FGF7: variants seen among roughly 807,000 people sequenced by gnomAD.
FGF7 encodes fibroblast growth factor 7.
In FGF7, 6 loss-of-function variants were observed where a neutral mutation model predicts 20.5. That is an observed-to-expected ratio of 0.29 (90% confidence interval 0.16 to 0.58). The LOEUF is 0.58. Among genes scored for constraint, FGF7 ranks in the 20% least tolerant of loss-of-function variants. The pLI is 0.90. For missense variants in FGF7, 144 were observed against 228.8 expected (o/e 0.63, Z 2.39); for synonymous variants, 64 against 74.7 (o/e 0.86, Z 0.74).
intron 2 of FGF7, among the ~76,000 whole-genome samples, chr15:49,476,125 A>C (rs1471599988): frequency 6.6e-6 from 1 of 151,898 alleles, no homozygotes; most frequent in East Asian, 1.9e-4. Context: ...TTCATCCATC[A>C]AGATCTAATT....
Position 49,485,962 on chromosome 15 carries a change from G to A in FGF7, c.*1458G>A, listed in dbSNP as rs976648498. 1 of 151,920 alleles carries A rather than the reference G, an allele frequency of 6.6e-6. No homozygotes were observed. The highest frequency in any genetic ancestry group is 2.4e-5 in the African/African-American group (1 of 41,386). The allele number at this position is 151,920 out of a possible 1,614,324, so 9.4% of individuals were successfully genotyped here. A position where few individuals can be genotyped will look rare whatever the true frequency, so the allele number is the denominator to read the frequency against. ...AATAGAAGATGCAGTTAAGAATAAG[G>A]GGCCCTGAATGTCATGAAGGCTTGA... On this transcript the variant is annotated 3_prime_UTR_variant, in exon 4 of 4. Coordinates refer to ENST00000267843, the MANE Select transcript of FGF7 (RefSeq NM_002009.4).
intron 2 of FGF7, among the ~76,000 whole-genome samples, chr15:49,445,573 G>T (rs1178710926): frequency 6.6e-6 from 1 of 151,158 alleles, no homozygotes; most frequent in Non-Finnish European, 1.5e-5. Context: ...CTAGATCACG[G>T]ACATACTAAT....
In FGF7 at chr15:49,473,654, T is replaced by C. The variant is rs566346101; in HGVS notation, c.287-9497T>C. On this transcript the variant is annotated intron_variant, in intron 2 of 3. Transcript: ENST00000267843. ...TTATTTATGGAGCACTATTTACAAA[T>C]AGAAGAATAAAACTATTTCTCTTAT... 4.6e-4 allele frequency among the ~76,000 whole-genome samples: 70 copies of C among 152,258 alleles called. 1 individual carries two copies. Among genetic ancestry groups the C allele is most frequent in the Admixed American group, 1.2e-3 (18 of 15,292 alleles).
At chr15:49,425,259 G>A (rs1382283219) in intron 2 of FGF7, 1 of 151,866 alleles carries the variant, frequency 6.6e-6, no homozygotes, top group South Asian at 2.1e-4. Flanking sequence ...AAATGTAAAG[G>A]TGAGGGGAAA....
At chr15:49,475,614 A>AT (rs113947299) in intron 2 of FGF7, among the ~76,000 whole-genome samples, 49,731 of 152,026 alleles carry the variant, frequency 0.33, 8,894 homozygotes, top group African/African-American at 0.46. Flanking sequence ...AAATTTATTA[A>AT]TTTTTTCATA....
At chr15:49,450,621 C>T (rs1597275500) in intron 2 of FGF7, among the ~76,000 whole-genome samples, 1 of 152,150 alleles carries the variant, frequency 6.6e-6, no homozygotes. Flanking sequence ...AATTCAAGGG[C>T]TGCAGCCAGC....
At position 49,488,619 on chromosome 15, in the gene FGF7, C is replaced by T. The variant is rs2056610852; in HGVS notation, c.*4115C>T. On this transcript the variant is annotated 3_prime_UTR_variant, in exon 4 of 4. Transcript: ENST00000267843. ...TTCTTATCATTGAATTTATGAGAGC[C>T]TATCAAAATTTATTTTCTTTCATTT... is the stretch of plus-strand genomic sequence containing the variant. 1 of 151,900 alleles carries T rather than the reference C, an allele frequency of 6.6e-6. No individual in the cohort carries two copies. The highest frequency in any genetic ancestry group is 2.4e-5 in the African/African-American group (1 of 41,376). The allele number at this position is 151,900 out of a possible 1,614,324, so 9.4% of individuals were successfully genotyped here.
intron 2 of FGF7, among the ~76,000 whole-genome samples, chr15:49,431,026 A>C (rs1567262407): frequency 6.6e-6 from 1 of 151,810 alleles, no homozygotes; most frequent in Non-Finnish European, 1.5e-5. Flanking sequence ...GTATCACACA[A>C]TTTTTGGTAG....
At position 49,424,507 on chromosome 15, in the gene FGF7, C is replaced by T. The variant is rs1253531296; in HGVS notation, c.210C>T (p.Phe70=). Residue 70 remains phenylalanine (F), a synonymous_variant, in exon 2 of 4, where the codon TTC becomes TTT. Transcript: ENST00000267843. The part of the protein sequence containing the change: ...EGGDIRVRRL[F]CRTQWYLRID... ...GGGATATAAGAGTGAGAAGACTCTT[C>T]TGTCGAACACAGTGGTACCTGAGGA... The T allele has an allele frequency of 3.7e-6, 6 of 1,612,824 alleles. No individual in the cohort carries two copies. The highest frequency in any genetic ancestry group is 5.1e-6 in the Non-Finnish European group (6 of 1,179,074).
At position 49,485,936 on chromosome 15, in the gene FGF7, A is replaced by T. The variant is rs183756896; in HGVS notation, c.*1432A>T. Reference sequence around the variant, plus strand: ...TTAGATGGCAAGAGCACAATGCCCAAAATAGAAGATGCAGTTAAGAATAAG... The same window carrying T: ...TTAGATGGCAAGAGCACAATGCCCATAATAGAAGATGCAGTTAAGAATAAG... On this transcript the variant is annotated 3_prime_UTR_variant, in exon 4 of 4. Coordinates refer to ENST00000267843, the MANE Select transcript of FGF7 (RefSeq NM_002009.4). 1.8e-3 allele frequency: 274 copies of T among 152,146 alleles called. 3 individuals carry two copies. The highest frequency in any genetic ancestry group is 6.5e-3 in the African/African-American group (268 of 41,542). 9.4% of individuals were successfully genotyped at this position (152,146 alleles called of 1,614,324 possible). A position where few individuals can be genotyped will look rare whatever the true frequency, so the allele number is the denominator to read the frequency against.
At chr15:49,436,109 T>C (rs2051083665) in intron 2 of FGF7, among the ~76,000 whole-genome samples, 1 of 151,600 alleles carries the variant, frequency 6.6e-6, no homozygotes, top group Non-Finnish European at 1.5e-5. Flanking sequence ...AGTTTGCTGG[T>C]ATATAAATTC....
At chr15:49,471,848 A>C (rs2054806312) in intron 2 of FGF7, among the ~76,000 whole-genome samples, 1 of 152,162 alleles carries the variant, frequency 6.6e-6, no homozygotes, top group African/African-American at 2.4e-5. Flanking sequence ...GGGCAGCCAG[A>C]AAAGACGTAT....
intron 2 of FGF7, among the ~76,000 whole-genome samples, chr15:49,445,761 G>T (rs1430596769): frequency 1.3e-5 from 2 of 151,476 alleles, no homozygotes; most frequent in Non-Finnish European, 3.0e-5. Flanking sequence ...TCTGTTTAAA[G>T]TCCTGCTCAT....
At chr15:49,431,236 C>G (rs1412548422) in intron 2 of FGF7, among the ~76,000 whole-genome samples, 1 of 151,716 alleles carries the variant, frequency 6.6e-6, no homozygotes, top group Non-Finnish European at 1.5e-5. Flanking sequence ...AAATGAAAAT[C>G]CTCTGCCTTC....
intron 2 of FGF7, among the ~76,000 whole-genome samples, chr15:49,445,542 T>G (rs1368785491): frequency 6.6e-6 from 1 of 151,590 alleles, no homozygotes; most frequent in Non-Finnish European, 1.5e-5. Context: ...AATTTTCTCC[T>G]AGTTTGGTTC....
At chr15:49,475,670 C>T (rs1597434986) in intron 2 of FGF7, among the ~76,000 whole-genome samples, 1 of 151,798 alleles carries the variant, frequency 6.6e-6, no homozygotes, top group Non-Finnish European at 1.5e-5. Context: ...TAACAATTCC[C>T]AAGAATGTAC....
Position 49,424,164 on chromosome 15 carries a change from G to C in FGF7, c.-134G>C. 1.3e-6 allele frequency: 1 copy of C among 742,516 alleles called. No homozygotes were observed. The highest frequency in any genetic ancestry group is 2.1e-5 in the South Asian group (1 of 48,198). 46.0% of individuals were successfully genotyped at this position (742,516 alleles called of 1,614,324 possible). ...ACTAAAAGGATAAGGCTAACAATTT[G>C]GAAAGAGCAACTACTCTTTCTTAAA... is the stretch of plus-strand genomic sequence containing the variant. On this transcript the variant is annotated 5_prime_UTR_variant, in exon 2 of 4. Transcript: ENST00000267843.
Position 49,462,736 on chromosome 15 carries a change from C to T in FGF7, c.287-20415C>T, listed in dbSNP as rs1445818494. On this transcript the variant is annotated intron_variant, in intron 2 of 3. Coordinates refer to ENST00000267843, the MANE Select transcript of FGF7 (RefSeq NM_002009.4). ...TTTTACTTCCAATTAAGTTAAAATA[C>T]AACTTTGAAAGATAAGATATGATAT... Among the ~76,000 whole-genome samples the T allele has an allele frequency of 2.0e-5, 3 of 152,114 alleles. No homozygotes were observed. In the East Asian group the frequency reaches 5.8e-4, roughly 29 times the overall value.
chr15:49,482,787 T>C (rs1177304914), intron 2 of FGF7, among the ~76,000 whole-genome samples: 2 of 152,036 alleles, frequency 1.3e-5, no homozygotes, highest in Non-Finnish European at 2.9e-5. Context: ...AGTTAATACA[T>C]AAGAGCAATG....
Sources: allele counts gnomAD v4.1 joint callset (sites outside exome capture counted in the v4.1 genomes callset), GRCh38; gene constraint gnomAD v4.1.1; transcripts MANE v1.5; gene names NCBI Gene and HGNC (gene_info 2026-07-23, HGNC 2026-07-21).